The following LRBA variants were observed in gnomAD, a reference collection of about 807,000 sequenced individuals.
LRBA encodes lipopolysaccharide-responsive and beige-like anchor protein.
In LRBA, 176 loss-of-function variants were observed where a neutral mutation model predicts 330.0. The ratio of observed to expected loss-of-function variants is 0.53; its 90% confidence interval spans 0.47 to 0.60. The LOEUF (loss-of-function observed/expected upper bound fraction) is 0.60. Ranked by LOEUF, LRBA falls within the 20% of genes least tolerant of loss-of-function variation. LRBA has a pLI of 0.00. For missense variants in LRBA, 3,259 were observed against 3,444.8 expected, an observed-to-expected ratio of 0.95 and a Z score of 1.35; for synonymous variants, 1,230 against 1,193.0, an observed-to-expected ratio of 1.03 and a Z score of -0.64.
intron 36 of LRBA, among the ~76,000 whole-genome samples, chr4:150,723,279 A>G (rs958220208): frequency 2.0e-5 from 3 of 152,170 alleles, no homozygotes; most frequent in Non-Finnish European, 4.4e-5. Context: ...TGAAGCTCAT[A>G]GCAATGAAAG....
chr4:150,595,708 G>C (rs1773412570), intron 38 of LRBA, among the ~76,000 whole-genome samples: 1 of 151,824 alleles, frequency 6.6e-6, no homozygotes, highest in African/African-American at 2.4e-5. Flanking sequence ...ATGAAAATCT[G>C]GGTTTCAGTC....
At chr4:150,379,552 C>T (rs1481518962) in intron 47 of LRBA, among the ~76,000 whole-genome samples, 2 of 151,984 alleles carry the variant, frequency 1.3e-5, no homozygotes, top group African/African-American at 4.8e-5. Flanking sequence ...AAGACAGGTC[C>T]CTGATCTCAG....
At chr4:150,385,796 G>A (rs568016794) in intron 47 of LRBA, among the ~76,000 whole-genome samples, 2 of 152,272 alleles carry the variant, frequency 1.3e-5, no homozygotes, top group South Asian at 2.1e-4. Context: ...TTTCCAGCCA[G>A]CAGAGTAAAA....
chr4:150,935,589 GA>G (rs1400604470), intron 2 of LRBA, among the ~76,000 whole-genome samples: 1 of 151,810 alleles, frequency 6.6e-6, no homozygotes, highest in East Asian at 1.9e-4. Flanking sequence ...ATTCCAATAT[GA>G]TTTTTTTCTG....
At chr4:150,694,462 C>CAAAAAAAAAAAAAAAAAA (rs58558446) in intron 36 of LRBA, among the ~76,000 whole-genome samples, 896 of 70,928 alleles carry the variant, frequency 0.013, 262 homozygotes, top group South Asian at 0.017. Flanking sequence ...TGATCTTTAA[C>CAAAAAAAAAAAAAAAAAA]AAAAAAAAAA....
chr4:150,324,735 T>G (rs1359095627), intron 49 of LRBA, among the ~76,000 whole-genome samples: 2 of 152,292 alleles, frequency 1.3e-5, no homozygotes, highest in Admixed American at 1.3e-4. Flanking sequence ...ACATGGAATT[T>G]GACTTTATAT....
At chr4:150,793,332 C>T (rs950658058) in intron 34 of LRBA, among the ~76,000 whole-genome samples, 1 of 151,874 alleles carries the variant, frequency 6.6e-6, no homozygotes, top group Non-Finnish European at 1.5e-5. Flanking sequence ...GATTAAGTCA[C>T]AAGAAAATGA....
At chr4:150,873,804 G>T (rs566564353) in intron 17 of LRBA, among the ~76,000 whole-genome samples, 1 of 152,048 alleles carries the variant, frequency 6.6e-6, no homozygotes, top group Non-Finnish European at 1.5e-5. Flanking sequence ...TAGTAAGTTA[G>T]AAAACATTCT....
At chr4:150,939,810 T>C (rs570050617) in intron 2 of LRBA, among the ~76,000 whole-genome samples, 3 of 152,072 alleles carry the variant, frequency 2.0e-5, no homozygotes, top group Non-Finnish European at 4.4e-5. Flanking sequence ...AGTGAAATAA[T>C]AGACACTGGA....
At chr4:150,302,496 A>G (rs1729800148) in intron 53 of LRBA, 129 bp downstream of exon 53, 1 of 487,738 alleles carries the variant, frequency 2.1e-6, no homozygotes, top group African/African-American at 2.0e-5. Flanking sequence ...GATCATTCTT[A>G]AATTATAATA....
chr4:150,456,131 C>A (rs1378538689), intron 44 of LRBA, among the ~76,000 whole-genome samples: 4 of 152,096 alleles, frequency 2.6e-5, no homozygotes, highest in Non-Finnish European at 5.9e-5. Flanking sequence ...TGCCAACAAA[C>A]TTGGGAGTGC....
intron 40 of LRBA, among the ~76,000 whole-genome samples, chr4:150,585,586 T>C (rs1772013988): frequency 6.6e-6 from 1 of 152,226 alleles, no homozygotes; most frequent in Non-Finnish European, 1.5e-5. Flanking sequence ...AAACAGAAAG[T>C]ATCCCAAAGG....
intron 52 of LRBA, among the ~76,000 whole-genome samples, chr4:150,306,475 C>T (rs1560990719): frequency 6.6e-6 from 1 of 152,056 alleles, no homozygotes; most frequent in Non-Finnish European, 1.5e-5. Flanking sequence ...AAACTAGCAT[C>T]AGAGTTTTTA....
chr4:151,000,556 T>G (rs887986274), intron 2 of LRBA, among the ~76,000 whole-genome samples: 3 of 152,180 alleles, frequency 2.0e-5, no homozygotes, highest in Non-Finnish European at 2.9e-5. Context: ...GGGTAGTCAC[T>G]TAGTAAAGTG....
chr4:150,585,450 G>A (rs1304839974), intron 40 of LRBA, among the ~76,000 whole-genome samples: 5 of 152,154 alleles, frequency 3.3e-5, no homozygotes, highest in African/African-American at 9.6e-5. Flanking sequence ...AATAGGAAAA[G>A]TACCTTCCTC....
intron 37 of LRBA, among the ~76,000 whole-genome samples, chr4:150,612,251 A>AT (rs1352076242): frequency 6.6e-6 from 1 of 152,214 alleles, no homozygotes; most frequent in Non-Finnish European, 1.5e-5. Flanking sequence ...TCTTTAAATA[A>AT]TTTTTTAAAG....
chr4:150,338,995 A>ACAC (rs70937334), intron 48 of LRBA, among the ~76,000 whole-genome samples: 6 of 150,724 alleles, frequency 4.0e-5, no homozygotes, highest in Non-Finnish European at 7.4e-5. Context: ...ACACACACAC[A>ACAC]AGTAGTGAAC....
chr4:150,806,597 C>A (rs1742829478), intron 32 of LRBA, among the ~76,000 whole-genome samples, 193 bp from the exon 33 acceptor site: 1 of 152,002 alleles, frequency 6.6e-6, no homozygotes, highest in Non-Finnish European at 1.5e-5. Context: ...TCTATCTTGC[C>A]CCTACAATCT....
At chr4:150,518,802 C>T (rs1405280313) in intron 40 of LRBA, among the ~76,000 whole-genome samples, 1 of 152,138 alleles carries the variant, frequency 6.6e-6, no homozygotes, top group African/African-American at 2.4e-5. Flanking sequence ...CCTCTGTTAA[C>T]ATCTCAGAGT....
Sources: allele counts gnomAD v4.1 joint callset (sites outside exome capture counted in the v4.1 genomes callset), GRCh38; gene constraint gnomAD v4.1.1; transcripts MANE v1.5; gene names NCBI Gene and HGNC (gene_info 2026-07-23, HGNC 2026-07-21).